The following CNTN3 variants were observed in gnomAD, a reference collection of about 807,000 sequenced individuals.
CNTN3 encodes the protein contactin-3.
A neutral mutation model predicts 119.1 loss-of-function variants in CNTN3; 60 were observed. That is an observed-to-expected ratio of 0.50 (90% CI 0.41 to 0.62). CNTN3 has a LOEUF of 0.62. CNTN3 is among the 20% of genes least tolerant of loss of function. The pLI is 0.00. For missense variants in CNTN3, 1,101 were observed against 1,242.4 expected (o/e 0.89, Z 1.71); for synonymous variants, 450 against 438.7 (o/e 1.03, Z -0.32).
At chr3:74,287,774 A>G (rs1575699376) in intron 19 of CNTN3, among the ~76,000 whole-genome samples, 1 of 152,104 alleles carries the variant, frequency 6.6e-6, no homozygotes, top group African/African-American at 2.4e-5. Context: ...AGGCTGGGAT[A>G]TTTATTACCC....
intron 13 of CNTN3, among the ~76,000 whole-genome samples, chr3:74,307,075 A>G (rs1702580079): frequency 6.6e-6 from 1 of 152,128 alleles, no homozygotes; most frequent in Non-Finnish European, 1.5e-5. Flanking sequence ...AAAGTGGGTA[A>G]AAAAATAAAC....
At chr3:74,606,700 G>A (rs1704998441) in intron 1 of CNTN3, among the ~76,000 whole-genome samples, 1 of 151,988 alleles carries the variant, frequency 6.6e-6, no homozygotes, top group African/African-American at 2.4e-5. Context: ...GATTAAAAAG[G>A]ATATTGACTA....
intron 1 of CNTN3, among the ~76,000 whole-genome samples, chr3:74,557,312 A>C (rs1458969575): frequency 6.6e-6 from 1 of 152,106 alleles, no homozygotes; most frequent in Non-Finnish European, 1.5e-5. Context: ...TAATTTGGTA[A>C]ATAGTGTGAG....
chr3:74,334,933 G>GA, intron 12 of CNTN3, 23 bp from the exon 13 acceptor site: 1 of 1,582,930 alleles, frequency 6.3e-7, no homozygotes, highest in Non-Finnish European at 8.6e-7. Flanking sequence ...TAATTTTTCA[G>GA]AAAAACAGCA....
intron 1 of CNTN3, among the ~76,000 whole-genome samples, chr3:74,596,211 T>C (rs1704806599): frequency 6.6e-6 from 1 of 152,014 alleles, no homozygotes; most frequent in Admixed American, 6.6e-5. Flanking sequence ...GGAAGAACAT[T>C]CCATGCTCAT....
chr3:74,594,934 T>C (rs1164612116), intron 1 of CNTN3, among the ~76,000 whole-genome samples: 2 of 152,128 alleles, frequency 1.3e-5, no homozygotes, highest in Non-Finnish European at 2.9e-5. Flanking sequence ...GTGTTCCTAT[T>C]TCTCCACATC....
intron 4 of CNTN3, among the ~76,000 whole-genome samples, chr3:74,452,958 G>T (rs1299032446): frequency 6.6e-6 from 1 of 151,180 alleles, no homozygotes; most frequent in African/African-American, 2.4e-5. Flanking sequence ...GTTCATCAAG[G>T]ATATTGGTCT....
At chr3:74,404,675 A>C (rs1705279788) in intron 5 of CNTN3, among the ~76,000 whole-genome samples, 1 of 152,084 alleles carries the variant, frequency 6.6e-6, no homozygotes. Context: ...TGCTTAAGTC[A>C]AACTGAGACC....
At chr3:74,375,347 G>T (rs1704452620) in intron 5 of CNTN3, among the ~76,000 whole-genome samples, 1 of 152,154 alleles carries the variant, frequency 6.6e-6, no homozygotes, top group South Asian at 2.1e-4. Flanking sequence ...TTCAGTGAGT[G>T]GCTGGGAGAT....
intron 5 of CNTN3, among the ~76,000 whole-genome samples, chr3:74,382,429 C>T (rs966999993): frequency 4.6e-5 from 7 of 152,070 alleles, no homozygotes; most frequent in African/African-American, 1.4e-4. Flanking sequence ...ACTACGGTCA[C>T]CATACAGTTC....
chr3:74,290,692 TTTC>T (rs2106793568), intron 19 of CNTN3, among the ~76,000 whole-genome samples: 1 of 152,188 alleles, frequency 6.6e-6, no homozygotes, highest in East Asian at 1.9e-4. Flanking sequence ...GTTCATTTAT[TTTC>T]TTTTTTTCTT....
intron 22 of CNTN3, among the ~76,000 whole-genome samples, chr3:74,265,280 C>G (rs2106737796): frequency 6.6e-6 from 1 of 152,290 alleles, no homozygotes; most frequent in Non-Finnish European, 1.5e-5. Flanking sequence ...ACTCTTGACT[C>G]AGCAGCCCTA....
At chr3:74,394,136 G>T (rs1704986431) in intron 5 of CNTN3, among the ~76,000 whole-genome samples, 1 of 152,244 alleles carries the variant, frequency 6.6e-6, no homozygotes, top group African/African-American at 2.4e-5. Flanking sequence ...ATCTAGAAAT[G>T]AGTTTACACA....
At chr3:74,473,163 G>A (rs969392933) in intron 4 of CNTN3, among the ~76,000 whole-genome samples, 3 of 150,310 alleles carry the variant, frequency 2.0e-5, no homozygotes, top group Non-Finnish European at 4.4e-5. Context: ...TAAAAAGATT[G>A]CAAAATAAAC....
At chr3:74,563,484 A>C (rs1704183126) in intron 1 of CNTN3, among the ~76,000 whole-genome samples, 1 of 152,134 alleles carries the variant, frequency 6.6e-6, no homozygotes, top group Non-Finnish European at 1.5e-5. Context: ...CATTCCTTTT[A>C]CTGGTCGAGT....
intron 13 of CNTN3, among the ~76,000 whole-genome samples, chr3:74,316,708 G>A (rs866714088): frequency 6.6e-6 from 1 of 152,036 alleles, no homozygotes; most frequent in East Asian, 1.9e-4. Context: ...GGCAGATCAC[G>A]AGGTCAGGAG....
At chr3:74,382,598 TGTAA>T (rs1479837363) in intron 5 of CNTN3, among the ~76,000 whole-genome samples, 3 of 152,158 alleles carry the variant, frequency 2.0e-5, no homozygotes, top group Non-Finnish European at 4.4e-5. Flanking sequence ...AGATGCCAAG[TGTAA>T]GTGAGGTCAT....
intron 4 of CNTN3, among the ~76,000 whole-genome samples, chr3:74,440,394 T>C (rs1701942477): frequency 6.6e-6 from 1 of 152,012 alleles, no homozygotes; most frequent in South Asian, 2.1e-4. Flanking sequence ...AGATTAATAA[T>C]ATCTTAGATC....
rs1365439215 is a variant in CNTN3 at position 74,614,469 on chromosome 3, C to T, written c.-159G>A. ...GCCGCCGCCGCCGCCGCCGCCACCG[C>T]CGCCGCCGCAGTTAGTCCGGGCCCG... is the stretch of plus-strand genomic sequence containing the variant. On this transcript the variant is annotated 5_prime_UTR_variant, in exon 1 of 23. Coordinates refer to ENST00000263665, the MANE Select transcript of CNTN3 (RefSeq NM_020872.3). Among the ~76,000 whole-genome samples the T allele has an allele frequency of 6.8e-6, 1 of 146,518 alleles. No individual in the cohort carries two copies. Among genetic ancestry groups the T allele is most frequent in the African/African-American group, 2.5e-5 (1 of 40,458 alleles).
Sources: allele counts gnomAD v4.1 joint callset (sites outside exome capture counted in the v4.1 genomes callset), GRCh38; gene constraint gnomAD v4.1.1; transcripts MANE v1.5; gene names NCBI Gene and HGNC (gene_info 2026-07-23, HGNC 2026-07-21).